HPCAL1: variants seen among roughly 807,000 people sequenced by gnomAD.
The protein encoded by HPCAL1 is hippocalcin like 1, also known as hippocalcin-like protein 1.
Under a neutral mutation model 17.1 loss-of-function variants are expected in HPCAL1, and 8 were observed. That is an observed-to-expected ratio of 0.47 (90% CI 0.27 to 0.84). HPCAL1 has a LOEUF of 0.84. Among genes scored for constraint, HPCAL1 ranks in the 40% least tolerant of loss-of-function variants. The pLI is 0.13. For synonymous variants in HPCAL1, 112 were observed against 111.4 expected, an observed-to-expected ratio of 1.01 and a Z score of -0.03; for missense variants, 165 against 271.1, an observed-to-expected ratio of 0.61 and a Z score of 2.75.
At position 10,343,991 on chromosome 2, in the gene HPCAL1, G is replaced by A. The variant is rs1665250952; in HGVS notation, c.-111+40814G>A. ...TGGCTTCAGACCCGGCAGGAGTACC[G>A]GCGGCTGTGTGGTGCATCCTGCACA... On this transcript the variant is annotated intron_variant, in intron 1 of 4. Transcript: ENST00000307845. The surrounding 1 kb of genome is among the most constrained non-coding windows in gnomAD (Gnocchi z 4.8). Among the ~76,000 whole-genome samples, 5 of 152,294 alleles carry A rather than the reference G, an allele frequency of 3.3e-5. No homozygotes were observed. In the South Asian group the frequency reaches 1.0e-3, roughly 32 times the overall value.
At chr2:10,305,664 C>T (rs1035647765) in intron 1 of HPCAL1, among the ~76,000 whole-genome samples, 1 of 152,230 alleles carries the variant, frequency 6.6e-6, no homozygotes, top group African/African-American at 2.4e-5. Context: ...CCCAGAAGAA[C>T]AGAGATTTGC....
rs1670915850 is a variant in HPCAL1 at position 10,419,738 on chromosome 2, A to G, written c.-20A>G. 2 of 1,595,028 alleles carry G rather than the reference A, an allele frequency of 1.3e-6. No homozygotes were observed. The highest frequency in any genetic ancestry group is 1.7e-4 in the Middle Eastern group (1 of 5,952). Reference sequence around the variant, plus strand: ...GGCTGACCCCCTGTCTTGCAGGTGTAGTCGCCGCCGCCAGCCGCCATGGGC... The same window carrying G: ...GGCTGACCCCCTGTCTTGCAGGTGTGGTCGCCGCCGCCAGCCGCCATGGGC... On this transcript the variant is annotated 5_prime_UTR_variant, in exon 3 of 5. Transcript: ENST00000307845. This position sits in a 1 kb window ranked among gnomAD's most constrained non-coding sequence, Gnocchi z 5.0.
rs1572720493 is a variant in HPCAL1, at chr2:10,362,860, G to A, written c.-110-33975G>A. Among the ~76,000 whole-genome samples the A allele has an allele frequency of 6.6e-6, 1 of 152,204 alleles. No individual in the cohort carries two copies. The highest frequency in any genetic ancestry group is 2.1e-4 in the South Asian group (1 of 4,830). On this transcript the variant is annotated intron_variant, in intron 1 of 4. Coordinates refer to ENST00000307845, the MANE Select transcript of HPCAL1 (RefSeq NM_002149.4). The surrounding 1 kb of genome is among the most constrained non-coding windows in gnomAD (Gnocchi z 5.0). ...CTGTGGCCTGTGTTAGAGAGGGTGA[G>A]TTTGGACCATTCCTGAGCAGAGGGG...
rs574384661 is a variant in HPCAL1 at position 10,334,963 on chromosome 2, C to T, written c.-111+31786C>T. 6.6e-5 allele frequency among the ~76,000 whole-genome samples: 10 copies of T among 152,370 alleles called. No individual in the cohort carries two copies. In the East Asian group the frequency reaches 1.2e-3, roughly 18 times the overall value. ...AAATTGCTGGGATTACAGGCGTGAG[C>T]CACTGTGCCAGCCCCCATTGTCTAA... On this transcript the variant is annotated intron_variant, in intron 1 of 4. Coordinates refer to ENST00000307845, the MANE Select transcript of HPCAL1 (RefSeq NM_002149.4).
chr2:10,381,304 T>A (rs762289246), intron 1 of HPCAL1, among the ~76,000 whole-genome samples: 13 of 152,264 alleles, frequency 8.5e-5, no homozygotes, highest in Non-Finnish European at 1.9e-4. Flanking sequence ...GTGGCTCTGC[T>A]GAGCCCCAGC....
intron 2 of HPCAL1, among the ~76,000 whole-genome samples, chr2:10,403,320 C>T (rs1258401574): frequency 7.4e-6 from 1 of 135,982 alleles, no homozygotes; most frequent in South Asian, 2.8e-4. Context: ...CCTCAGGGGC[C>T]ACACTGTCCA....
At chr2:10,390,516 AT>A (rs960508577) in intron 1 of HPCAL1, among the ~76,000 whole-genome samples, 3 of 151,842 alleles carry the variant, frequency 2.0e-5, no homozygotes, top group Non-Finnish European at 4.4e-5. Flanking sequence ...CTCCATTATA[AT>A]TTTTTCTCCC....
chr2:10,316,947 G>A (rs74503880), intron 1 of HPCAL1, among the ~76,000 whole-genome samples: 2,142 of 152,142 alleles, frequency 0.014, 53 homozygotes, highest in African/African-American at 0.048. Flanking sequence ...AAAAAAATTC[G>A]TATGGCTTCA....
In HPCAL1 at chr2:10,365,532, A is replaced by G. The variant is rs1448402248; in HGVS notation, c.-110-31303A>G. 6.6e-6 allele frequency among the ~76,000 whole-genome samples: 1 copy of G among 151,984 alleles called. No homozygotes were observed. The highest frequency in any genetic ancestry group is 1.5e-5 in the Non-Finnish European group (1 of 68,006). On this transcript the variant is annotated intron_variant, in intron 1 of 4. Transcript: ENST00000307845. This position sits in a 1 kb window ranked among gnomAD's most constrained non-coding sequence, Gnocchi z 4.8. Reference sequence around the variant, plus strand: ...GCTTTTCTTGGAGGCTGCAGCCAGGAGCCATTGTTTCTCTTCCCACCTGAC... The same window carrying G: ...GCTTTTCTTGGAGGCTGCAGCCAGGGGCCATTGTTTCTCTTCCCACCTGAC...
rs1202223209 is a variant in HPCAL1 at position 10,359,437 on chromosome 2, A to T, written c.-110-37398A>T. 5.3e-5 allele frequency among the ~76,000 whole-genome samples: 8 copies of T among 152,254 alleles called. No individual in the cohort carries two copies. Among genetic ancestry groups the T allele is most frequent in the Admixed American group, 1.3e-4 (2 of 15,290 alleles). ...AAGAAGTTGAGATGTCTTTGTTCCC[A>T]GAGGAAAGTCCCTGCAGGCCCCGGC... On this transcript the variant is annotated intron_variant, in intron 1 of 4. Coordinates refer to ENST00000307845, the MANE Select transcript of HPCAL1 (RefSeq NM_002149.4). The surrounding 1 kb of genome is among the most constrained non-coding windows in gnomAD (Gnocchi z 4.1).
chr2:10,361,716 ATT>A (rs199534306), intron 1 of HPCAL1, among the ~76,000 whole-genome samples: 38 of 142,516 alleles, frequency 2.7e-4, no homozygotes, highest in Non-Finnish European at 3.2e-4. Flanking sequence ...AACTTCTTAA[ATT>A]TTTTTTTTTT....
intron 1 of HPCAL1, among the ~76,000 whole-genome samples, chr2:10,364,876 C>G (rs1292936032): frequency 6.6e-6 from 1 of 152,120 alleles, no homozygotes; most frequent in Non-Finnish European, 1.5e-5. Flanking sequence ...TGAGTCACTG[C>G]ACCTGACCAT....
At chr2:10,422,931 C>G (rs955631883) in intron 3 of HPCAL1, 52 bp from the exon 4 acceptor site, 1 of 1,360,144 alleles carries the variant, frequency 7.4e-7, no homozygotes, top group African/African-American at 1.4e-5. Flanking sequence ...CCTTGCTGCA[C>G]CCGCCCAAGC....
At position 10,359,915 on chromosome 2, in the gene HPCAL1, G is replaced by A. The variant is rs939148288; in HGVS notation, c.-110-36920G>A. Among the ~76,000 whole-genome samples, 8 of 147,906 alleles carry A rather than the reference G, an allele frequency of 5.4e-5. No individual in the cohort carries two copies. Among genetic ancestry groups the A allele is most frequent in the Non-Finnish European group, 7.4e-5 (5 of 67,522 alleles). ...CCACAGTGCCCGCCGGGTCCACAGC[G>A]CCCGCCGGGTCCACAGCGCCCGCCG... On this transcript the variant is annotated intron_variant, in intron 1 of 4. Transcript: ENST00000307845. This position sits in a 1 kb window ranked among gnomAD's most constrained non-coding sequence, Gnocchi z 4.1.
At chr2:10,383,458 G>A (rs1378875093) in intron 1 of HPCAL1, among the ~76,000 whole-genome samples, 2 of 152,106 alleles carry the variant, frequency 1.3e-5, no homozygotes, top group Non-Finnish European at 2.9e-5. Flanking sequence ...CACCTCCCAA[G>A]TTTAAGCAAT....
At chr2:10,371,193 G>C (rs16856158) in intron 1 of HPCAL1, among the ~76,000 whole-genome samples, 31,290 of 152,084 alleles carry the variant, frequency 0.21, 4,421 homozygotes, top group East Asian at 0.49. Context: ...GTCATTTGCA[G>C]TTTGGGTTAG....
At chr2:10,397,446 T>C (rs1268427436) in intron 2 of HPCAL1, among the ~76,000 whole-genome samples, 7 of 150,760 alleles carry the variant, frequency 4.6e-5, no homozygotes, top group African/African-American at 1.2e-4. Context: ...GGCATGTGGC[T>C]CTCCCCTCAG....
At chr2:10,312,469 C>T (rs548322870) in intron 1 of HPCAL1, among the ~76,000 whole-genome samples, 3 of 151,968 alleles carry the variant, frequency 2.0e-5, no homozygotes, top group African/African-American at 7.2e-5. Context: ...CCATCACCAT[C>T]ATCATTACTG....
rs1670940096 is a variant in HPCAL1, at chr2:10,420,017, T to A, written c.260T>A (p.Ile87Asn). ...DGTIDFREFI[I>N]ALSVTSRGKL... ...ACCATCGACTTCCGGGAGTTCATCATTGCGCTGAGCGTGACCTCGCGGGGC... is the reference window on the plus strand; with the variant it reads ...ACCATCGACTTCCGGGAGTTCATCAATGCGCTGAGCGTGACCTCGCGGGGC... Residue 87 changes from isoleucine to asparagine, a missense_variant, in exon 3 of 5, where the codon ATT becomes AAT. Ile to Asn is a moderately radical substitution (Grantham distance 149). Transcript: ENST00000307845. 1 of 1,613,860 alleles carries A rather than the reference T, an allele frequency of 6.2e-7. No homozygotes were observed. Among genetic ancestry groups the A allele is most frequent in the African/African-American group, 1.3e-5 (1 of 74,918 alleles).
Sources: allele counts gnomAD v4.1 joint callset (sites outside exome capture counted in the v4.1 genomes callset), GRCh38; gene constraint gnomAD v4.1.1; non-coding constraint Gnocchi (gnomAD v3.1); transcripts MANE v1.5; gene names NCBI Gene and HGNC (gene_info 2026-07-23, HGNC 2026-07-21).